Variants in CMIP observed in about 807,000 individuals in gnomAD.
The protein encoded by CMIP is C-Maf-inducing protein.
Under a neutral mutation model 97.3 loss-of-function variants are expected in CMIP, and 13 were observed. The observed-to-expected ratio is 0.13, with a 90% CI of 0.09 to 0.21. CMIP has a LOEUF of 0.21. Among genes scored for constraint, CMIP ranks in the 10% least tolerant of loss-of-function variants. CMIP has a pLI of 1.00. For synonymous variants in CMIP, 538 were observed against 436.3 expected (o/e 1.23, Z -2.91); for missense variants, 847 against 1,024.9 (o/e 0.83, Z 2.37).
At chr16:81,570,026 C>T (rs539880350) in intron 1 of CMIP, among the ~76,000 whole-genome samples, 1 of 152,336 alleles carries the variant, frequency 6.6e-6, no homozygotes, top group South Asian at 2.1e-4. Context: ...TCAAAGCCAA[C>T]TGTCCACCAG....
intron 5 of CMIP, among the ~76,000 whole-genome samples, chr16:81,659,625 C>T (rs2092523122): frequency 6.6e-6 from 1 of 152,210 alleles, no homozygotes. Flanking sequence ...TCCCTGCCAG[C>T]AACACCTGTG....
At chr16:81,687,449 G>A (rs1455300522) in intron 10 of CMIP, among the ~76,000 whole-genome samples, 1 of 152,216 alleles carries the variant, frequency 6.6e-6, no homozygotes, top group East Asian at 1.9e-4. Flanking sequence ...CTCTGGGTTT[G>A]TTTTTCCGCG....
At chr16:81,664,179 G>A (rs1200773839) in intron 6 of CMIP, 90 bp from the exon 7 acceptor site, 4 of 1,270,134 alleles carry the variant, frequency 3.1e-6, no homozygotes, top group African/African-American at 1.5e-5. Flanking sequence ...ACCCACAGCT[G>A]GGCTGACTGT....
chr16:81,490,304 A>G (rs1597471062), intron 1 of CMIP, among the ~76,000 whole-genome samples: 1 of 152,318 alleles, frequency 6.6e-6, no homozygotes. Flanking sequence ...GCCTGATGCT[A>G]TTGTAACAAA....
intron 1 of CMIP, among the ~76,000 whole-genome samples, chr16:81,600,502 A>G (rs570430828): frequency 5.9e-5 from 9 of 152,184 alleles, no homozygotes; most frequent in African/African-American, 1.9e-4. Context: ...GCCACAAAGT[A>G]TGTGATGTCA....
chr16:81,576,141 C>A (rs2091184934), intron 1 of CMIP, among the ~76,000 whole-genome samples: 1 of 152,180 alleles, frequency 6.6e-6, no homozygotes, highest in African/African-American at 2.4e-5. Context: ...CAGTGGCTCA[C>A]TCCTGTAAAC....
chr16:81,465,482 G>C (rs760616904), intron 1 of CMIP, among the ~76,000 whole-genome samples: 1 of 152,230 alleles, frequency 6.6e-6, no homozygotes, highest in Admixed American at 6.5e-5. Context: ...TCTGTCCCCA[G>C]ACTGGACCCC....
At chr16:81,538,643 G>A (rs1027613605) in intron 1 of CMIP, among the ~76,000 whole-genome samples, 13 of 152,146 alleles carry the variant, frequency 8.5e-5, no homozygotes, top group Non-Finnish European at 1.5e-5. Flanking sequence ...TAATTTTGGG[G>A]TGGTGATCTA....
chr16:81,683,013 G>A (rs1015106001), intron 10 of CMIP, among the ~76,000 whole-genome samples: 2 of 152,192 alleles, frequency 1.3e-5, no homozygotes, highest in Admixed American at 6.5e-5. Context: ...TTTTCCTGCT[G>A]GGCACCTATG....
chr16:81,659,199 A>G (rs2092518037), intron 5 of CMIP, among the ~76,000 whole-genome samples: 1 of 152,222 alleles, frequency 6.6e-6, no homozygotes, highest in Non-Finnish European at 1.5e-5. Flanking sequence ...TCATTTAACG[A>G]ACTTTGCTGA....
At chr16:81,663,845 A>C (rs996577694) in intron 6 of CMIP, among the ~76,000 whole-genome samples, 10 of 152,106 alleles carry the variant, frequency 6.6e-5, no homozygotes, top group South Asian at 2.1e-4. Context: ...CTGTGTGTGC[A>C]TCAGGGGACA....
At chr16:81,555,127 A>G (rs2090736323) in intron 1 of CMIP, among the ~76,000 whole-genome samples, 1 of 152,212 alleles carries the variant, frequency 6.6e-6, no homozygotes, top group Admixed American at 6.5e-5. Context: ...GCAGAATCCA[A>G]CAAAGAGCAG....
chr16:81,687,000 G>A (rs532551486), intron 10 of CMIP, among the ~76,000 whole-genome samples: 29 of 152,230 alleles, frequency 1.9e-4, no homozygotes, highest in Non-Finnish European at 3.5e-4. Context: ...CAGACCACTG[G>A]ACAAGGGTTC....
At chr16:81,503,927 C>T (rs191639097) in intron 1 of CMIP, among the ~76,000 whole-genome samples, 48 of 152,326 alleles carry the variant, frequency 3.2e-4, no homozygotes, top group African/African-American at 1.1e-3. Flanking sequence ...CACACCTGGC[C>T]CTGTGCTCCA....
intron 5 of CMIP, among the ~76,000 whole-genome samples, 179 bp from the exon 6 acceptor site, chr16:81,660,705 T>C (rs1311302475): frequency 1.3e-5 from 2 of 151,666 alleles, no homozygotes; most frequent in Non-Finnish European, 2.9e-5. Flanking sequence ...GATACGGTTG[T>C]GGATTTTTGG....
chr16:81,490,605 G>A (rs888467782), intron 1 of CMIP, among the ~76,000 whole-genome samples: 3 of 152,180 alleles, frequency 2.0e-5, no homozygotes, highest in African/African-American at 4.8e-5. Context: ...GGGCGACAGA[G>A]GGAGACTGTC....
At chr16:81,590,519 T>C (rs1026127313) in intron 1 of CMIP, among the ~76,000 whole-genome samples, 10 of 152,208 alleles carry the variant, frequency 6.6e-5, no homozygotes, top group Non-Finnish European at 1.3e-4. Context: ...AAAACCCATG[T>C]CGCCCGGCTT....
intron 10 of CMIP, among the ~76,000 whole-genome samples, chr16:81,688,361 C>T (rs1159478558): frequency 2.0e-5 from 3 of 152,204 alleles, no homozygotes; most frequent in African/African-American, 7.2e-5. Context: ...CCCAGGCAGG[C>T]GTTGGCTTTT....
intron 20 of CMIP, among the ~76,000 whole-genome samples, chr16:81,707,400 G>C (rs957076132): frequency 6.6e-6 from 1 of 152,220 alleles, no homozygotes; most frequent in Admixed American, 6.5e-5. Context: ...AAGGTCCTGA[G>C]ACAGAAGAGA....
Sources: gnomAD v4.1 joint callset for allele counts (sites outside exome capture counted in the v4.1 genomes callset) on GRCh38, gnomAD v4.1.1 for gene constraint, MANE v1.5 for transcripts, NCBI Gene and HGNC (gene_info 2026-07-23, HGNC 2026-07-21) for gene names.